Variants in SNX29 observed in about 807,000 individuals in gnomAD.
SNX29 encodes sorting nexin 29.
A neutral mutation model predicts 102.1 loss-of-function variants in SNX29; 78 were observed. The observed-to-expected ratio is 0.76, with a 90% CI of 0.64 to 0.92. SNX29 has a LOEUF of 0.92. Among genes scored for constraint, SNX29 ranks in the 40% least tolerant of loss-of-function variants. SNX29 has a pLI of 0.00. For synonymous variants in SNX29, 580 were observed against 414.5 expected (o/e 1.40, Z -4.85); for missense variants, 1,280 against 1,061.7 (o/e 1.21, Z -2.86).
At chr16:12,123,498 T>C (rs2054068673) in intron 11 of SNX29, among the ~76,000 whole-genome samples, 1 of 152,168 alleles carries the variant, frequency 6.6e-6, no homozygotes, top group Admixed American at 6.5e-5. Flanking sequence ...ATATATATCA[T>C]ATACATATAC....
intron 15 of SNX29, among the ~76,000 whole-genome samples, chr16:12,298,321 G>C (rs2080048980): frequency 1.3e-5 from 2 of 152,160 alleles, no homozygotes; most frequent in African/African-American, 2.4e-5. Context: ...TGATAACACA[G>C]ATAATTTCCT....
chr16:12,465,962 C>A (rs940341494), intron 18 of SNX29, among the ~76,000 whole-genome samples: 2 of 151,932 alleles, frequency 1.3e-5, no homozygotes, highest in Non-Finnish European at 2.9e-5. Flanking sequence ...TTCATGATAA[C>A]CCCCCAATGA....
intron 15 of SNX29, among the ~76,000 whole-genome samples, chr16:12,285,362 G>T (rs1299030461): frequency 6.6e-6 from 1 of 152,152 alleles, no homozygotes; most frequent in African/African-American, 2.4e-5. Context: ...CTTCCATATG[G>T]CAGGGCTCAG....
chr16:12,276,554 C>G (rs946131824), intron 14 of SNX29, among the ~76,000 whole-genome samples: 3 of 152,184 alleles, frequency 2.0e-5, no homozygotes, highest in Admixed American at 2.0e-4. Context: ...CTTGTTTAGC[C>G]TCACTGCCCC....
chr16:12,243,440 A>G (rs1318650523), intron 14 of SNX29, among the ~76,000 whole-genome samples: 2 of 152,156 alleles, frequency 1.3e-5, no homozygotes, highest in Admixed American at 1.3e-4. Context: ...TGATGAATTT[A>G]TTAATAGTTT....
chr16:12,090,633 A>C (rs1307381775), intron 11 of SNX29, among the ~76,000 whole-genome samples: 1 of 152,198 alleles, frequency 6.6e-6, no homozygotes, highest in African/African-American at 2.4e-5. Context: ...GTTTCTCTCC[A>C]GATGGCCTCT....
chr16:12,479,226 C>G (rs957287315), intron 19 of SNX29, among the ~76,000 whole-genome samples: 2 of 152,210 alleles, frequency 1.3e-5, no homozygotes, highest in African/African-American at 4.8e-5. Context: ...GACTGCCGTT[C>G]TATCTTTTGA....
chr16:12,463,664 A>G (rs1567589828), intron 18 of SNX29, among the ~76,000 whole-genome samples: 1 of 152,212 alleles, frequency 6.6e-6, no homozygotes, highest in Non-Finnish European at 1.5e-5. Flanking sequence ...AAACCATAGC[A>G]ACCTCTATTA....
intron 20 of SNX29, among the ~76,000 whole-genome samples, chr16:12,555,746 A>G (rs187981292): frequency 5.6e-4 from 85 of 151,840 alleles, no homozygotes; most frequent in Middle Eastern, 3.4e-3. Flanking sequence ...CCACCTCCCC[A>G]CAACTCCAAC....
At position 12,570,472 on chromosome 16, in the gene SNX29, T is replaced by C. The variant is rs968870486; in HGVS notation, c.*1843T>C. ...ACTGAGGCAGGAAACGTCTAAAAGCTCAATCTGCTGTATGTCATGACCCCT... is the reference window on the plus strand; with the variant it reads ...ACTGAGGCAGGAAACGTCTAAAAGCCCAATCTGCTGTATGTCATGACCCCT... On this transcript the variant is annotated 3_prime_UTR_variant, in exon 21 of 21. Coordinates refer to ENST00000566228, the MANE Select transcript of SNX29 (RefSeq NM_032167.5). 3.0e-5 allele frequency: 7 copies of C among 234,236 alleles called. No homozygotes were observed. The highest frequency in any genetic ancestry group is 1.5e-4 in the African/African-American group (7 of 45,312). The allele number at this position is 234,236 out of a possible 1,614,324, so 14.5% of individuals were successfully genotyped here.
At chr16:12,414,097 C>G (rs1262807226) in intron 18 of SNX29, among the ~76,000 whole-genome samples, 2 of 152,092 alleles carry the variant, frequency 1.3e-5, no homozygotes, top group East Asian at 3.8e-4. Flanking sequence ...GGAATAATGA[C>G]AAGATAAAAG....
At chr16:12,538,618 T>A (rs1230005571) in intron 20 of SNX29, among the ~76,000 whole-genome samples, 1 of 152,060 alleles carries the variant, frequency 6.6e-6, no homozygotes, top group African/African-American at 2.4e-5. Flanking sequence ...AGGAGGGCCT[T>A]GACTAGGAAG....
intron 14 of SNX29, among the ~76,000 whole-genome samples, chr16:12,266,304 AC>A (rs2078926438): frequency 6.6e-6 from 1 of 152,066 alleles, no homozygotes; most frequent in Non-Finnish European, 1.5e-5. Context: ...TTTCTTCCAC[AC>A]TAGGCAATTC....
chr16:12,526,444 A>C, intron 20 of SNX29: 1 of 432,892 alleles, frequency 2.3e-6, no homozygotes, highest in Non-Finnish European at 4.5e-6. Flanking sequence ...GTGAGAAGAC[A>C]TTATAGTATC....
At chr16:12,478,632 C>T (rs558025399) in intron 19 of SNX29, among the ~76,000 whole-genome samples, 11 of 152,256 alleles carry the variant, frequency 7.2e-5, no homozygotes, top group South Asian at 2.1e-4. Flanking sequence ...GGGTCTAGAC[C>T]GGGCTTGGAG....
At chr16:12,285,128 G>A (rs918987581) in intron 15 of SNX29, among the ~76,000 whole-genome samples, 6 of 152,128 alleles carry the variant, frequency 3.9e-5, no homozygotes, top group Admixed American at 6.5e-5. Flanking sequence ...GCTTACCAGC[G>A]GTGCTCTCAC....
At chr16:12,224,679 G>C (rs1567330851) in intron 14 of SNX29, among the ~76,000 whole-genome samples, 1 of 152,228 alleles carries the variant, frequency 6.6e-6, no homozygotes, top group Non-Finnish European at 1.5e-5. Flanking sequence ...AGGGAGTATT[G>C]TTGAATTTAC....
chr16:12,234,453 T>C (rs1596580933), intron 14 of SNX29, among the ~76,000 whole-genome samples: 1 of 152,188 alleles, frequency 6.6e-6, no homozygotes, highest in Non-Finnish European at 1.5e-5. Flanking sequence ...TTGTGTATTG[T>C]GGATACTAGA....
At position 12,198,826 on chromosome 16, in the gene SNX29, C is replaced by T. The variant is rs865863798; in HGVS notation, c.1596-775C>T. On this transcript the variant is annotated intron_variant, in intron 13 of 20. Coordinates refer to ENST00000566228, the MANE Select transcript of SNX29 (RefSeq NM_032167.5). ...TTTTCTACTGAATGAAGCATCTTTC[C>T]GCTGAATGACGGATGGATGAATGAA... Among the ~76,000 whole-genome samples, 73 of 152,282 alleles carry T rather than the reference C, an allele frequency of 4.8e-4. 1 individual carries two copies. Among genetic ancestry groups the T allele is most frequent in the Middle Eastern group, 6.8e-3 (2 of 294 alleles).
Sources: gnomAD v4.1 joint callset for allele counts (sites outside exome capture counted in the v4.1 genomes callset) on GRCh38, gnomAD v4.1.1 for gene constraint, MANE v1.5 for transcripts, NCBI Gene and HGNC (gene_info 2026-07-23, HGNC 2026-07-21) for gene names.